Variants in FTO observed in about 807,000 individuals in gnomAD.
FTO encodes the protein alpha-ketoglutarate-dependent dioxygenase FTO.
In FTO, 47 loss-of-function variants were observed where a neutral mutation model predicts 63.9. The observed-to-expected ratio is 0.74, with a 90% CI of 0.58 to 0.94. The LOEUF (loss-of-function observed/expected upper bound fraction) is 0.94. FTO is among the 40% of genes least tolerant of loss of function. The pLI is 0.00. For missense variants in FTO, 562 were observed against 618.1 expected, an observed-to-expected ratio of 0.91 and a Z score of 0.96; for synonymous variants, 207 against 224.4, an observed-to-expected ratio of 0.92 and a Z score of 0.69.
chr16:54,059,953 G>T (rs1183695659), intron 8 of FTO, among the ~76,000 whole-genome samples: 1 of 151,806 alleles, frequency 6.6e-6, no homozygotes, highest in Non-Finnish European at 1.5e-5. Context: ...AAAATAAAAC[G>T]TGTTTTAAAA....
chr16:54,110,879 T>C (rs1352215366), intron 8 of FTO, among the ~76,000 whole-genome samples: 1 of 152,202 alleles, frequency 6.6e-6, no homozygotes, highest in Non-Finnish European at 1.5e-5. Context: ...CTTAATGCAA[T>C]CTGTTTCCTT....
At chr16:53,959,702 G>A (rs190462249) in intron 8 of FTO, among the ~76,000 whole-genome samples, 88 of 152,062 alleles carry the variant, frequency 5.8e-4, no homozygotes, top group Admixed American at 5.0e-3. Flanking sequence ...TTACAAACTT[G>A]CCTAAATGAC....
intron 7 of FTO, among the ~76,000 whole-genome samples, chr16:53,912,463 T>C (rs2081736445): frequency 6.6e-6 from 1 of 152,226 alleles, no homozygotes; most frequent in South Asian, 2.1e-4. Flanking sequence ...GGTTTGTTTA[T>C]GTTTTCCATT....
At chr16:53,936,893 A>G (rs1006447561) in intron 8 of FTO, among the ~76,000 whole-genome samples, 1 of 152,200 alleles carries the variant, frequency 6.6e-6, no homozygotes. Context: ...CTTTTGTAAT[A>G]AAGGTTTTTA....
intron 8 of FTO, among the ~76,000 whole-genome samples, chr16:53,944,560 C>T (rs1051121673): frequency 3.9e-5 from 6 of 152,142 alleles, no homozygotes; most frequent in Non-Finnish European, 5.9e-5. Flanking sequence ...TGTTTGGGGG[C>T]ATAGATTCTG....
At chr16:53,776,597 C>A (rs189782285) in intron 1 of FTO, among the ~76,000 whole-genome samples, 1 of 152,024 alleles carries the variant, frequency 6.6e-6, no homozygotes, top group African/African-American at 2.4e-5. Context: ...CTTTTAAAAG[C>A]CTTTATTGAT....
intron 7 of FTO, among the ~76,000 whole-genome samples, chr16:53,919,285 A>G (rs552647901): frequency 1.3e-5 from 2 of 152,272 alleles, no homozygotes; most frequent in East Asian, 3.9e-4. Flanking sequence ...TGGCTGCTGT[A>G]TCATTATCAT....
chr16:53,756,244 G>A (rs2076920284), intron 1 of FTO, among the ~76,000 whole-genome samples: 1 of 152,214 alleles, frequency 6.6e-6, no homozygotes, highest in African/African-American at 2.4e-5. Context: ...TTAGGAAAAT[G>A]ATAACGAGGA....
chr16:54,055,207 T>G (rs1164405886), intron 8 of FTO, among the ~76,000 whole-genome samples: 2 of 152,224 alleles, frequency 1.3e-5, no homozygotes, highest in Admixed American at 6.5e-5. Context: ...TGTTCAGTCT[T>G]GCTCTGTTTG....
intron 8 of FTO, among the ~76,000 whole-genome samples, chr16:54,051,641 G>A (rs1398637951): frequency 1.3e-5 from 2 of 152,254 alleles, no homozygotes; most frequent in African/African-American, 4.8e-5. Context: ...GCCCTGGCCT[G>A]TAGCTTACAT....
chr16:54,021,020 T>C (rs1226301618), intron 8 of FTO, among the ~76,000 whole-genome samples: 1 of 152,142 alleles, frequency 6.6e-6, no homozygotes, highest in African/African-American at 2.4e-5. Flanking sequence ...CAAGAATAAC[T>C]TGTACCATTT....
At chr16:53,824,045 T>C (rs962195705) in intron 2 of FTO, among the ~76,000 whole-genome samples, 8 of 152,242 alleles carry the variant, frequency 5.3e-5, no homozygotes, top group Admixed American at 3.3e-4. Context: ...TTCCAGATGA[T>C]TGTAATAGCA....
At chr16:53,987,217 AT>A (rs746545504) in intron 8 of FTO, among the ~76,000 whole-genome samples, 2 of 152,192 alleles carry the variant, frequency 1.3e-5, no homozygotes, top group Non-Finnish European at 2.9e-5. Context: ...ATTAAAAAAA[AT>A]ATTAACAAGT....
At chr16:53,858,206 T>C (rs1693966374) in intron 4 of FTO, among the ~76,000 whole-genome samples, 1 of 152,224 alleles carries the variant, frequency 6.6e-6, no homozygotes, top group Non-Finnish European at 1.5e-5. Flanking sequence ...AGACATTTTT[T>C]CTTCATATTT....
chr16:53,935,937 A>C (rs1326319824), intron 8 of FTO: 1 of 152,224 alleles, frequency 6.6e-6, no homozygotes, highest in East Asian at 1.9e-4. Context: ...AGGGAGGAAG[A>C]AAGAATTTCC....
At chr16:53,745,203 T>C (rs2076622290) in intron 1 of FTO, among the ~76,000 whole-genome samples, 1 of 152,240 alleles carries the variant, frequency 6.6e-6, no homozygotes, top group Non-Finnish European at 1.5e-5. Context: ...TGGTGGTATC[T>C]AGTGTTATTC....
chr16:54,057,889 C>T (rs1036696798), intron 8 of FTO, among the ~76,000 whole-genome samples: 10 of 152,068 alleles, frequency 6.6e-5, no homozygotes, highest in Admixed American at 2.0e-4. Context: ...CAGCCCAAAA[C>T]GCTCTAATAT....
At chr16:53,832,376 G>A (rs551728418) in intron 3 of FTO, among the ~76,000 whole-genome samples, 2 of 152,190 alleles carry the variant, frequency 1.3e-5, no homozygotes, top group South Asian at 4.2e-4. Context: ...GTTTCCTTGT[G>A]CCCCTTTGCA....
In FTO at chr16:54,113,642, A is replaced by G. The variant is rs1364850105; in HGVS notation, c.*1727A>G. 1 of 152,128 alleles carries G rather than the reference A, an allele frequency of 6.6e-6. No individual in the cohort carries two copies. The highest frequency in any genetic ancestry group is 2.4e-5 in the African/African-American group (1 of 41,428). The allele number at this position is 152,128 out of a possible 1,614,324, so 9.4% of individuals were successfully genotyped here. ...AATAAATGAAATAACATAGACCAGG[A>G]GGGCGTGGTGTTTAAAAGTCACAGA... On this transcript the variant is annotated 3_prime_UTR_variant, in exon 9 of 9. Coordinates refer to ENST00000471389, the MANE Select transcript of FTO (RefSeq NM_001080432.3).
Sources: gnomAD v4.1 joint callset for allele counts (sites outside exome capture counted in the v4.1 genomes callset) on GRCh38, gnomAD v4.1.1 for gene constraint, MANE v1.5 for transcripts, NCBI Gene and HGNC (gene_info 2026-07-23, HGNC 2026-07-21) for gene names.